The following NEDD1 variants were observed in gnomAD, a reference collection of about 807,000 sequenced individuals.
The protein encoded by NEDD1 is protein NEDD1.
In NEDD1, 33 loss-of-function variants were observed where a neutral mutation model predicts 74.0. The observed-to-expected ratio is 0.45, with a 90% CI of 0.34 to 0.60. NEDD1 has a LOEUF of 0.60. Ranked by LOEUF, NEDD1 falls within the 20% of genes least tolerant of loss-of-function variation. The probability of loss-of-function intolerance (pLI) is 0.01; values close to 1 mark genes in which losing one functional copy is unlikely to be tolerated. For missense variants in NEDD1, 746 were observed against 776.5 expected, an observed-to-expected ratio of 0.96 and a Z score of 0.47; for synonymous variants, 250 against 264.4, an observed-to-expected ratio of 0.95 and a Z score of 0.53.
At chr12:96,910,000 G>A (rs1592850885) in intron 3 of NEDD1, 105 bp downstream of exon 3, 2 of 1,242,182 alleles carry the variant, frequency 1.6e-6, no homozygotes, top group East Asian at 5.0e-5. Flanking sequence ...ACTGAGTAAT[G>A]TGTTTTGCAT....
At position 96,907,722 on chromosome 12, in the gene NEDD1, G is replaced by C. The variant is rs1170608668; in HGVS notation, c.-143G>C. 23 of 1,549,604 alleles carry C rather than the reference G, an allele frequency of 1.5e-5. No homozygotes were observed. The South Asian group carries it at 2.6e-4, about 18-fold the overall frequency. Reference sequence around the variant, plus strand: ...TTCAGCTGAGTGGTGTAGTTGAATTGGTTCCTGTAGCCGCTGTCCCTAAAC... The same window carrying C: ...TTCAGCTGAGTGGTGTAGTTGAATTCGTTCCTGTAGCCGCTGTCCCTAAAC... On this transcript the variant is annotated 5_prime_UTR_variant, in exon 2 of 16. Transcript: ENST00000266742.
At position 96,907,740 on chromosome 12, in the gene NEDD1, C is replaced by A. The variant is rs1048056626; in HGVS notation, c.-125C>A. 2.6e-6 allele frequency: 4 copies of A among 1,545,020 alleles called. No homozygotes were observed. Among genetic ancestry groups the A allele is most frequent in the Non-Finnish European group, 2.6e-6 (3 of 1,143,434 alleles). On this transcript the variant is annotated 5_prime_UTR_variant, in exon 2 of 16. Transcript: ENST00000266742. ...TTGAATTGGTTCCTGTAGCCGCTGT[C>A]CCTAAACCCAGGCCGACGTTACCGC... is the stretch of plus-strand genomic sequence containing the variant.
chr12:96,944,829 GT>G, intron 13 of NEDD1, 34 bp downstream of exon 13: 1 of 1,448,832 alleles, frequency 6.9e-7, no homozygotes. Flanking sequence ...GTTTGAAAGT[GT>G]TTGATTGAAA....
rs75007264 is a variant in NEDD1 at position 96,909,915 on chromosome 12, AACACAC to A, written c.136+34_136+39del. ...GCAATAGTATCCTTTAAAAAAAAAA[AACACAC>A]ACACACACACACAAACCGCTTATTA... is the stretch of plus-strand genomic sequence containing the variant. On this transcript the variant is annotated intron_variant, in intron 3 of 15. Coordinates refer to ENST00000266742, the MANE Select transcript of NEDD1 (RefSeq NM_152905.4). 190 of 1,343,642 alleles carry A rather than the reference AACACAC, an allele frequency of 1.4e-4. No individual in the cohort carries two copies. The African/African-American group carries it at 2.4e-3, about 17-fold the overall frequency. The allele number at this position is 1,343,642 out of a possible 1,614,324, so 83.2% of individuals were successfully genotyped here.
chr12:96,924,602 A>G (rs1398076825), intron 6 of NEDD1, among the ~76,000 whole-genome samples: 2 of 151,936 alleles, frequency 1.3e-5, no homozygotes, highest in Admixed American at 6.6e-5. Flanking sequence ...TTATTTTCCT[A>G]TTCTTTGTGG....
intron 6 of NEDD1, among the ~76,000 whole-genome samples, chr12:96,923,432 A>T (rs2136539218): frequency 1.3e-5 from 2 of 152,284 alleles, no homozygotes; most frequent in Middle Eastern, 3.4e-3. Context: ...TTTATGAAAA[A>T]TTGCCAAAAC....
chr12:96,940,635 G>A (rs1024178370), intron 10 of NEDD1, 98 bp downstream of exon 10: 5 of 764,924 alleles, frequency 6.5e-6, no homozygotes, highest in Middle Eastern at 2.5e-4. Flanking sequence ...CTCTATTCAC[G>A]GATCAGTTTG....
intron 6 of NEDD1, among the ~76,000 whole-genome samples, chr12:96,928,412 A>G (rs1875949289): frequency 6.6e-6 from 1 of 151,970 alleles, no homozygotes; most frequent in Non-Finnish European, 1.5e-5. Context: ...CTGATTTTTG[A>G]TTCTTTTCTT....
intron 6 of NEDD1, among the ~76,000 whole-genome samples, chr12:96,925,922 G>T (rs1367554200): frequency 6.6e-6 from 1 of 152,122 alleles, no homozygotes; most frequent in African/African-American, 2.4e-5. Flanking sequence ...TATTTGGAGA[G>T]CACTAGGAGT....
chr12:96,950,231 G>A (rs563044224), intron 14 of NEDD1, among the ~76,000 whole-genome samples: 3 of 152,012 alleles, frequency 2.0e-5, no homozygotes, highest in East Asian at 1.9e-4. Flanking sequence ...ATGAGATACC[G>A]TGTCACACCG....
chr12:96,951,906 G>A (rs1276859028), intron 15 of NEDD1, 43 bp from the exon 16 acceptor site: 12 of 1,042,576 alleles, frequency 1.2e-5, no homozygotes, highest in Non-Finnish European at 1.0e-5. Flanking sequence ...CCAAATAAAT[G>A]TGAAATATCA....
rs1048642506 is a variant in NEDD1, at chr12:96,951,609, T to C, written c.1878+111T>C. The C allele has an allele frequency of 1.3e-5, 8 of 603,516 alleles. No homozygotes were observed. In the African/African-American group the frequency reaches 1.5e-4, roughly 12 times the overall value. 37.4% of individuals were successfully genotyped at this position (603,516 alleles called of 1,614,324 possible). A position where few individuals can be genotyped will look rare whatever the true frequency, so the allele number is the denominator to read the frequency against. ...TAGTTGTTTTGTTTAGTTTCTAAGA[T>C]AAATAGGGAGTTTTATAGACTAAAT... On this transcript the variant is annotated intron_variant, in intron 15 of 15. Transcript: ENST00000266742.
chr12:96,935,491 T>C (rs536897012), intron 7 of NEDD1, among the ~76,000 whole-genome samples: 1 of 152,322 alleles, frequency 6.6e-6, no homozygotes, highest in Admixed American at 6.5e-5. Flanking sequence ...ATGCATATGT[T>C]TTTAACCCAA....
At chr12:96,924,740 C>CT (rs1225866175) in intron 6 of NEDD1, 12 of 400,738 alleles carry the variant, frequency 3.0e-5, no homozygotes, top group Non-Finnish European at 5.8e-5. Flanking sequence ...AGTTTATAGA[C>CT]TATCATGGCT....
intron 6 of NEDD1, among the ~76,000 whole-genome samples, chr12:96,921,128 G>A (rs535935357): frequency 2.0e-5 from 3 of 152,146 alleles, no homozygotes; most frequent in East Asian, 3.9e-4. Flanking sequence ...ATATAAACTG[G>A]CCTCTTTGCC....
At chr12:96,907,470 A>G (rs1873439948) in intron 1 of NEDD1, 134 bp from the exon 2 acceptor site, 14 of 730,502 alleles carry the variant, frequency 1.9e-5, no homozygotes, top group Admixed American at 2.3e-5. Context: ...TGGGCTGGGA[A>G]GTGTCCGGGG....
intron 14 of NEDD1, among the ~76,000 whole-genome samples, chr12:96,948,749 T>G (rs933331807): frequency 3.9e-5 from 6 of 152,220 alleles, no homozygotes; most frequent in Non-Finnish European, 8.8e-5. Context: ...GTTTCCAGTT[T>G]GCCTTTATTC....
chr12:96,936,506 G>T (rs539940654), intron 7 of NEDD1, 105 bp from the exon 8 acceptor site: 6 of 716,490 alleles, frequency 8.4e-6, no homozygotes, highest in Middle Eastern at 3.0e-4. Flanking sequence ...TCTTTGACCA[G>T]TTTGAAGTGT....
chr12:96,939,423 G>A (rs1592919044), intron 9 of NEDD1, among the ~76,000 whole-genome samples: 4 of 152,120 alleles, frequency 2.6e-5, no homozygotes, highest in Admixed American at 2.6e-4. Flanking sequence ...TAGTACAAAT[G>A]ATTTGGTAAT....
Sources: allele counts gnomAD v4.1 joint callset (sites outside exome capture counted in the v4.1 genomes callset), GRCh38; gene constraint gnomAD v4.1.1; transcripts MANE v1.5; gene names NCBI Gene and HGNC (gene_info 2026-07-23, HGNC 2026-07-21).